The following NR3C1 variants were observed in gnomAD, a reference collection of about 807,000 sequenced individuals.
The protein encoded by NR3C1 is glucocorticoid receptor.
A neutral mutation model predicts 74.0 loss-of-function variants in NR3C1; 14 were observed. The ratio of observed to expected loss-of-function variants is 0.19; its 90% confidence interval spans 0.12 to 0.30. NR3C1 has a LOEUF of 0.30. NR3C1 is among the 10% of genes least tolerant of loss of function. NR3C1 has a pLI of 1.00. For synonymous variants in NR3C1, 308 were observed against 332.5 expected (o/e 0.93, Z 0.80); for missense variants, 695 against 909.8 (o/e 0.76, Z 3.04).
chr5:143,302,344 A>T (rs951156294), intron 4 of NR3C1, among the ~76,000 whole-genome samples: 4 of 152,118 alleles, frequency 2.6e-5, no homozygotes, highest in African/African-American at 9.7e-5. Flanking sequence ...TAGAGGAGTG[A>T]TAAAATTTTA....
At position 143,281,767 on chromosome 5, in the gene NR3C1, A is replaced by G. The variant is rs1813147075; in HGVS notation, c.*122T>C. The stretch of plus-strand genomic sequence containing the variant: ...ACCACATGTAGTGCGTATTTAAAAC[A>G]AAACAACAGATGAAAACAATAAAAA... On this transcript the variant is annotated 3_prime_UTR_variant, in exon 9 of 9. Transcript: ENST00000394464. 7.8e-6 allele frequency: 9 copies of G among 1,148,818 alleles called. No homozygotes were observed. Among genetic ancestry groups the G allele is most frequent in the Non-Finnish European group, 1.1e-5 (9 of 795,470 alleles). 71.2% of individuals were successfully genotyped at this position (1,148,818 alleles called of 1,614,324 possible). A position where few individuals can be genotyped will look rare whatever the true frequency, so the allele number is the denominator to read the frequency against.
chr5:143,295,601 T>C lies in NR3C1; in HGVS notation c.1893-11A>G, dbSNP rs1463626320. ...AGAGTCATTCTCTGCCTGTGAAAGATAAATAGCAGGGTATTAGTTAGAAAT... is the reference window on the plus strand; with the variant it reads ...AGAGTCATTCTCTGCCTGTGAAAGACAAATAGCAGGGTATTAGTTAGAAAT... On this transcript the variant is annotated splice_polypyrimidine_tract_variant and intron_variant, in intron 6 of 8. Coordinates refer to ENST00000394464, the MANE Select transcript of NR3C1 (RefSeq NM_000176.3). 2 of 1,607,404 alleles carry C rather than the reference T, an allele frequency of 1.2e-6. No individual in the cohort carries two copies. The highest frequency in any genetic ancestry group is 2.2e-5 in the South Asian group (2 of 90,948).
At chr5:143,366,539 A>C (rs948261967) in intron 2 of NR3C1, among the ~76,000 whole-genome samples, 1 of 152,006 alleles carries the variant, frequency 6.6e-6, no homozygotes, top group Non-Finnish European at 1.5e-5. Context: ...GTTCCCCTGA[A>C]AACGGACAAA....
chr5:143,421,347 A>T (rs1024556982), intron 1 of NR3C1, among the ~76,000 whole-genome samples: 1 of 152,190 alleles, frequency 6.6e-6, no homozygotes, highest in African/African-American at 2.4e-5. Flanking sequence ...ATAGTGATTA[A>T]GAGTGTGGGC....
intron 2 of NR3C1, among the ~76,000 whole-genome samples, chr5:143,354,922 C>CAAAAAAAAAAAA (rs60607518): frequency 2.0e-5 from 1 of 48,962 alleles, no homozygotes; most frequent in African/African-American, 7.7e-5. Flanking sequence ...AAGTCCGTCT[C>CAAAAAAAAAAAA]AAAAAAAAAA....
At chr5:143,399,601 T>A in intron 2 of NR3C1, 55 bp downstream of exon 2, 1 of 1,255,818 alleles carries the variant, frequency 8.0e-7, no homozygotes, top group South Asian at 1.2e-5. Flanking sequence ...GATTTACATC[T>A]ATTAATCTAC....
chr5:143,314,305 C>G, intron 2 of NR3C1, 137 bp from the exon 3 acceptor site: 1 of 826,752 alleles, frequency 1.2e-6, no homozygotes, highest in South Asian at 1.5e-5. Flanking sequence ...CTAAAATATC[C>G]TAGCTAAATA....
intron 2 of NR3C1, among the ~76,000 whole-genome samples, chr5:143,394,781 T>C (rs943155076): frequency 2.0e-5 from 3 of 152,010 alleles, no homozygotes; most frequent in Non-Finnish European, 4.4e-5. Context: ...ATGCATTCCC[T>C]TGTACCTATA....
rs142709945 is a variant in NR3C1, at chr5:143,425,673, T to C, written c.-14+8859A>G. Among the ~76,000 whole-genome samples, 272 of 152,220 alleles carry C rather than the reference T, an allele frequency of 1.8e-3. 2 individuals carry two copies. The highest frequency in any genetic ancestry group is 6.2e-3 in the African/African-American group (258 of 41,524). On this transcript the variant is annotated intron_variant, in intron 1 of 8. Coordinates refer to the NR3C1 transcript ENST00000343796. ...ATGCAAATTGAAAATACAGGAGATATCACTTCATACCCACTAGGACAGCAA... is the reference window on the plus strand; with the variant it reads ...ATGCAAATTGAAAATACAGGAGATACCACTTCATACCCACTAGGACAGCAA...
intron 2 of NR3C1, among the ~76,000 whole-genome samples, chr5:143,370,343 CCTA>C (rs1223245351): frequency 6.6e-6 from 1 of 152,112 alleles, no homozygotes; most frequent in Non-Finnish European, 1.5e-5. Flanking sequence ...ACAGAAGTAA[CCTA>C]CTTTTTGTTT....
chr5:143,307,361 C>T (rs555583198), intron 4 of NR3C1, among the ~76,000 whole-genome samples: 1 of 152,220 alleles, frequency 6.6e-6, no homozygotes, highest in East Asian at 1.9e-4. Flanking sequence ...TGCTATTAAA[C>T]TGTAAGAAGG....
chr5:143,380,976 G>A (rs75190089), intron 2 of NR3C1, among the ~76,000 whole-genome samples: 1 of 152,138 alleles, frequency 6.6e-6, no homozygotes, highest in East Asian at 1.9e-4. Context: ...AGATATAAAG[G>A]GAATCCAAAA....
At chr5:143,290,821 CA>C (rs749150434) in intron 7 of NR3C1, among the ~76,000 whole-genome samples, 3 of 150,048 alleles carry the variant, frequency 2.0e-5, no homozygotes, top group Non-Finnish European at 2.9e-5. Context: ...CACAGCCTCC[CA>C]AAGTGCTGGG....
chr5:143,300,567 T>C lies in NR3C1; in HGVS notation c.1665A>G (p.Ser555=). 2 of 1,614,182 alleles carry C rather than the reference T, an allele frequency of 1.2e-6. No homozygotes were observed. The highest frequency in any genetic ancestry group is 1.7e-6 in the Non-Finnish European group (2 of 1,180,006). ...YAGYDSSVPD[S]TWRIMTTLNM... ...TGAGCGTAGTCATGATCCTCCAAGT[T>C]GAGTCTGGAACAGAGCTATCATATC... The change falls in exon 5 of 9, where the codon TCA becomes TCG. Residue 555 remains serine (S), a synonymous_variant. Transcript: ENST00000394464. This position sits in a 1 kb window ranked among gnomAD's most constrained non-coding sequence, Gnocchi z 5.2.
intron 2 of NR3C1, among the ~76,000 whole-genome samples, chr5:143,362,944 G>C (rs138828832): frequency 9.4e-4 from 143 of 152,282 alleles, no homozygotes; most frequent in Non-Finnish European, 1.8e-3. Flanking sequence ...AATCTAGAGG[G>C]CCACATGCAT....
chr5:143,332,395 A>G (rs1381470544), intron 2 of NR3C1, among the ~76,000 whole-genome samples: 1 of 135,266 alleles, frequency 7.4e-6, no homozygotes, highest in Non-Finnish European at 1.6e-5. Context: ...TTAAGAGTGT[A>G]ACTGGGGCCC....
chr5:143,363,894 G>C (rs1832723781), intron 2 of NR3C1, among the ~76,000 whole-genome samples: 1 of 152,080 alleles, frequency 6.6e-6, no homozygotes, highest in South Asian at 2.1e-4. Context: ...ACTGGACAGA[G>C]TCTCAGAGAC....
At chr5:143,360,121 T>G (rs1444136971) in intron 2 of NR3C1, among the ~76,000 whole-genome samples, 1 of 152,218 alleles carries the variant, frequency 6.6e-6, no homozygotes, top group Non-Finnish European at 1.5e-5. Context: ...AGTCACAGTT[T>G]GGCACACAGA....
intron 2 of NR3C1, among the ~76,000 whole-genome samples, chr5:143,337,887 C>T (rs1182640534): frequency 6.6e-6 from 1 of 152,094 alleles, no homozygotes; most frequent in Non-Finnish European, 1.5e-5. Context: ...CAGTGGTTAC[C>T]TCTGGGGAGG....
Sources: allele counts gnomAD v4.1 joint callset (sites outside exome capture counted in the v4.1 genomes callset), GRCh38; gene constraint gnomAD v4.1.1; non-coding constraint Gnocchi (gnomAD v3.1); transcripts MANE v1.5; gene names NCBI Gene and HGNC (gene_info 2026-07-23, HGNC 2026-07-21).